Variants in PER2 observed in about 807,000 individuals in gnomAD.
PER2 encodes the protein period circadian protein homolog 2.
In PER2, 66 loss-of-function variants were observed where a neutral mutation model predicts 121.0. The ratio of observed to expected loss-of-function variants is 0.55; its 90% confidence interval spans 0.45 to 0.67. PER2 has a LOEUF of 0.67. Ranked by LOEUF, PER2 falls within the 30% of genes least tolerant of loss-of-function variation. PER2 has a pLI of 0.00. For missense variants in PER2, 1,521 were observed against 1,635.0 expected, an observed-to-expected ratio of 0.93 and a Z score of 1.20; for synonymous variants, 684 against 659.9, an observed-to-expected ratio of 1.04 and a Z score of -0.56.
intron 1 of PER2, among the ~76,000 whole-genome samples, chr2:238,279,101 T>C (rs2106326608): frequency 6.6e-6 from 1 of 152,144 alleles, no homozygotes; most frequent in East Asian, 1.9e-4. Context: ...GAGGCCAAAA[T>C]GCCATCCCGG....
chr2:238,253,485 A>G lies in PER2; in HGVS notation c.2538T>C (p.Phe846=). 6.2e-7 allele frequency: 1 copy of G among 1,612,716 alleles called. No homozygotes were observed. The highest frequency in any genetic ancestry group is 8.5e-7 in the Non-Finnish European group (1 of 1,179,540). ...TSQSSCPAVP[F]PAPVPAAYSL... ...AATAAGCTGCTGGCACTGGGGCGGG[A>G]AAGGGCACGGCTGGGCAGCTGGACT... is the stretch of plus-strand genomic sequence containing the variant. The change falls in exon 19 of 23, where the codon TTT becomes TTC. Residue 846 remains phenylalanine (F), a synonymous_variant. Transcript: ENST00000254657. This position sits in a 1 kb window ranked among gnomAD's most constrained non-coding sequence, Gnocchi z 5.6.
In PER2 at chr2:238,253,513, G is replaced by A; in HGVS notation, c.2510C>T (p.Ser837Phe). The A allele has an allele frequency of 6.2e-7, 1 of 1,611,920 alleles. No individual in the cohort carries two copies. The highest frequency in any genetic ancestry group is 8.5e-7 in the Non-Finnish European group (1 of 1,179,418). ...NATAWSPSDT[S>F]QSSCPAVPFP... ...GGGCACGGCTGGGCAGCTGGACTGGGACGTGTCTGAGGGTGACCAGGCTGT... is the reference window on the plus strand; with the variant it reads ...GGGCACGGCTGGGCAGCTGGACTGGAACGTGTCTGAGGGTGACCAGGCTGT... Residue 837 changes from serine to phenylalanine, a missense_variant, in exon 19 of 23, where the codon TCC becomes TTC. Ser to Phe is a radical substitution (Grantham distance 155, BLOSUM62 -2). Coordinates refer to ENST00000254657, the MANE Select transcript of PER2 (RefSeq NM_022817.3). The surrounding 1 kb of genome is among the most constrained non-coding windows in gnomAD (Gnocchi z 5.6).
At chr2:238,287,360 C>CTTCAGGTAGAGTCCTGTT (rs1696819494) in intron 1 of PER2, among the ~76,000 whole-genome samples, 1 of 152,242 alleles carries the variant, frequency 6.6e-6, no homozygotes, top group Non-Finnish European at 1.5e-5. Flanking sequence ...CAAATAAAGC[C>CTTCAGGTAGAGTCCTGTT]TTCAGGTAGA....
intron 8 of PER2, among the ~76,000 whole-genome samples, chr2:238,266,012 TC>T: frequency 6.6e-6 from 1 of 151,960 alleles, no homozygotes; most frequent in Non-Finnish European, 1.5e-5. Flanking sequence ...CAAGCGATTC[TC>T]CTGCTTCAGC....
At chr2:238,266,084 T>C (rs1439414070) in intron 8 of PER2, among the ~76,000 whole-genome samples, 1 of 151,954 alleles carries the variant, frequency 6.6e-6, no homozygotes, top group Non-Finnish European at 1.5e-5. Flanking sequence ...TTTGTATTTT[T>C]AGTTGAGGTG....
At chr2:238,266,706 G>C (rs1696123702) in intron 8 of PER2, among the ~76,000 whole-genome samples, 1 of 152,180 alleles carries the variant, frequency 6.6e-6, no homozygotes, top group Admixed American at 6.5e-5. Flanking sequence ...ACATTGCAGA[G>C]AAAGTCACAT....
intron 12 of PER2, 91 bp from the exon 13 acceptor site, chr2:238,261,044 G>A: frequency 1.3e-6 from 2 of 1,489,396 alleles, no homozygotes; most frequent in East Asian, 2.3e-5. Context: ...TTCGCAGAGA[G>A]GATGGCGACC....
At chr2:238,251,138 G>T (rs375232160) in intron 20 of PER2, among the ~76,000 whole-genome samples, 1 of 152,246 alleles carries the variant, frequency 6.6e-6, no homozygotes, top group Admixed American at 6.5e-5. Context: ...GCCTGCGAAG[G>T]GAGGCGAGGT....
intron 3 of PER2, 39 bp downstream of exon 3, chr2:238,277,092 C>A: frequency 7.0e-7 from 1 of 1,435,216 alleles, no homozygotes; most frequent in Non-Finnish European, 9.8e-7. Flanking sequence ...CTTTCAATTT[C>A]TCTAAAACCT....
chr2:238,260,975 C>T, intron 12 of PER2, 22 bp from the exon 13 acceptor site: 2 of 1,609,564 alleles, frequency 1.2e-6, no homozygotes, highest in Non-Finnish European at 1.7e-6. Flanking sequence ...GCAGACAGCG[C>T]TACAGACACA....
upstream of PER2, among the ~76,000 whole-genome samples, chr2:238,294,249 G>A (rs1043384132): frequency 1.3e-5 from 2 of 152,192 alleles, no homozygotes; most frequent in East Asian, 1.9e-4. Flanking sequence ...TCTAGTGTGC[G>A]TCCTGCAAGG....
chr2:238,247,715 C>G (rs60170368), intron 22 of PER2, among the ~76,000 whole-genome samples: 3,842 of 152,016 alleles, frequency 0.025, 191 homozygotes, highest in African/African-American at 0.089. Flanking sequence ...CCAGGGCAGT[C>G]GGGGAAACAG....
At chr2:238,261,680 G>T (rs774943621) in intron 12 of PER2, 49 bp downstream of exon 12, 41 of 1,190,554 alleles carry the variant, frequency 3.4e-5, no homozygotes, top group Non-Finnish European at 4.9e-5. Context: ...CTCTGCAGGG[G>T]GCTCTCAGGC....
rs778624162 is a variant in PER2, at chr2:238,258,542, G to A, written c.1730C>T (p.Pro577Leu). 1.2e-6 allele frequency: 2 copies of A among 1,614,086 alleles called. No individual in the cohort carries two copies. Among genetic ancestry groups the A allele is most frequent in the South Asian group, 2.2e-5 (2 of 91,088 alleles). Residue 577 changes from proline to leucine, a missense_variant, in exon 15 of 23, where the codon CCC (proline) becomes CTC (leucine). Physicochemically the swap from Pro to Leu is moderately conservative, Grantham distance 98. Transcript: ENST00000254657. ...GCTGATCTGCTGGTAGGAGCAGGTG[G>A]GCTGGTTCTTGCAGGCCAACTCCTC... Reference protein sequence around the residue: ...FPEELACKNQPTCSYQQISCL... With the variant: ...FPEELACKNQLTCSYQQISCL...
chr2:238,294,374 T>C (rs553995335), upstream of PER2, among the ~76,000 whole-genome samples: 12 of 152,320 alleles, frequency 7.9e-5, 1 homozygote, highest in East Asian at 1.7e-3. Flanking sequence ...TTGCATGCTC[T>C]GGGGACCAAC....
At chr2:238,255,458 C>G (rs1407884293) in intron 18 of PER2, 199 bp downstream of exon 18, 3 of 647,294 alleles carry the variant, frequency 4.6e-6, no homozygotes, top group Non-Finnish European at 8.3e-6. Flanking sequence ...CCAGGGAATG[C>G]AAGCTGACAT....
Position 238,273,054 on chromosome 2 carries a change from G to A in PER2, c.570+16C>T, listed in dbSNP as rs760819059. 1 of 1,613,862 alleles carries A rather than the reference G, an allele frequency of 6.2e-7. No individual in the cohort carries two copies. Among genetic ancestry groups the A allele is most frequent in the Non-Finnish European group, 8.5e-7 (1 of 1,179,764 alleles). ...TCCTGCCATTTTAGAAAGAAACTTTGCGGAAAGAGGCTTACGGCATTCTTC... is the reference window on the plus strand; with the variant it reads ...TCCTGCCATTTTAGAAAGAAACTTTACGGAAAGAGGCTTACGGCATTCTTC... On this transcript the variant is annotated intron_variant, in intron 5 of 22. Transcript: ENST00000254657.
rs780634392 is a variant in PER2 at position 238,280,397 on chromosome 2, G to C, written c.-19-2442C>G. On this transcript the variant is annotated intron_variant, in intron 1 of 22. Transcript: ENST00000254657. ...CTAATAAACAGAAGAAAGCCAACACGGGGCTGTGGAAAACACACACAGCAA... is the reference window on the plus strand; with the variant it reads ...CTAATAAACAGAAGAAAGCCAACACCGGGCTGTGGAAAACACACACAGCAA... Among the ~76,000 whole-genome samples, 255 of 152,268 alleles carry C rather than the reference G, an allele frequency of 1.7e-3. 2 individuals are homozygous for C. The highest frequency in any genetic ancestry group is 2.7e-3 in the Non-Finnish European group (184 of 68,018).
At chr2:238,274,316 G>A (rs1034029209) in intron 4 of PER2, among the ~76,000 whole-genome samples, 9 of 152,220 alleles carry the variant, frequency 5.9e-5, no homozygotes, top group Non-Finnish European at 1.2e-4. Flanking sequence ...GGGCTCAACA[G>A]GCCCCGGACA....
Sources: allele counts gnomAD v4.1 joint callset (sites outside exome capture counted in the v4.1 genomes callset), GRCh38; gene constraint gnomAD v4.1.1; non-coding constraint Gnocchi (gnomAD v3.1); transcripts MANE v1.5; gene names NCBI Gene and HGNC (gene_info 2026-07-23, HGNC 2026-07-21).